The following NRCAM variants were observed in gnomAD, a reference collection of about 807,000 sequenced individuals.
The protein encoded by NRCAM is NgCAM-related cell adhesion molecule.
Under a neutral mutation model 156.5 loss-of-function variants are expected in NRCAM, and 83 were observed. The ratio of observed to expected loss-of-function variants is 0.53; its 90% CI spans 0.44 to 0.64. The LOEUF (loss-of-function observed/expected upper bound fraction) is 0.64. Among genes scored for constraint, NRCAM ranks in the 30% least tolerant of loss-of-function variants. The pLI, the probability that NRCAM is intolerant of heterozygous loss-of-function variation, is 0.00. For missense variants in NRCAM, 1,417 were observed against 1,597.3 expected (o/e 0.89, Z 1.92); for synonymous variants, 538 against 563.9 (o/e 0.95, Z 0.65).
At chr7:108,150,954 C>G (rs1251152490) in intron 32 of NRCAM, among the ~76,000 whole-genome samples, 1 of 152,096 alleles carries the variant, frequency 6.6e-6, no homozygotes, top group Non-Finnish European at 1.5e-5. Flanking sequence ...ATAGCAAATG[C>G]TTCCTACACT....
At chr7:108,381,567 T>C (rs2154358795) in intron 2 of NRCAM, among the ~76,000 whole-genome samples, 1 of 151,370 alleles carries the variant, frequency 6.6e-6, no homozygotes, top group Non-Finnish European at 1.5e-5. Flanking sequence ...TTTTCTTTTT[T>C]TTTTTTTTTG....
chr7:108,420,381 A>T (rs1558036), intron 1 of NRCAM, among the ~76,000 whole-genome samples: 123,073 of 152,100 alleles, frequency 0.81, 51,057 homozygotes, highest in East Asian at 0.95. Context: ...TTGCTAAAAA[A>T]AGTCTGTGTG....
chr7:108,429,191 T>TC (rs570821935), intron 1 of NRCAM, among the ~76,000 whole-genome samples: 168 of 152,316 alleles, frequency 1.1e-3, no homozygotes, highest in Non-Finnish European at 2.2e-3. Flanking sequence ...ACTGGGTGTT[T>TC]CTTTTTTTTT....
At chr7:108,300,160 C>CCTTTTTT (rs1180044415) in intron 3 of NRCAM, among the ~76,000 whole-genome samples, 1 of 65,858 alleles carries the variant, frequency 1.5e-5, no homozygotes, top group African/African-American at 5.7e-5. Context: ...TTTCTGTTGA[C>CCTTTTTT]TTTTTTTTTT....
At chr7:108,237,261 G>A (rs77946869) in intron 5 of NRCAM, among the ~76,000 whole-genome samples, 4 of 152,086 alleles carry the variant, frequency 2.6e-5, no homozygotes, top group African/African-American at 7.2e-5. Flanking sequence ...ATTCAAATTC[G>A]CTGGGTTAGT....
chr7:108,416,297 T>A (rs967374376), intron 1 of NRCAM, among the ~76,000 whole-genome samples: 1 of 152,200 alleles, frequency 6.6e-6, no homozygotes, highest in Non-Finnish European at 1.5e-5. Flanking sequence ...TATCATAGTG[T>A]CTATTTTAAT....
At chr7:108,152,677 A>G (rs1585004224) in intron 32 of NRCAM, among the ~76,000 whole-genome samples, 1 of 152,108 alleles carries the variant, frequency 6.6e-6, no homozygotes, top group African/African-American at 2.4e-5. Context: ...TTTATCACAT[A>G]ATGTCTATGG....
chr7:108,425,814 G>C (rs1455021942), intron 1 of NRCAM, among the ~76,000 whole-genome samples: 2 of 152,162 alleles, frequency 1.3e-5, no homozygotes, highest in Non-Finnish European at 2.9e-5. Context: ...GGTGCGTCCT[G>C]AACAGAAATG....
chr7:108,434,459 A>T (rs942699917), intron 1 of NRCAM, among the ~76,000 whole-genome samples: 3 of 151,940 alleles, frequency 2.0e-5, no homozygotes, highest in Admixed American at 2.0e-4. Flanking sequence ...CTTCACATAT[A>T]CTGAGTTGAC....
chr7:108,336,195 G>A (rs1054623750), intron 2 of NRCAM, among the ~76,000 whole-genome samples: 1 of 152,112 alleles, frequency 6.6e-6, no homozygotes, highest in Non-Finnish European at 1.5e-5. Context: ...ACTGAGGCAG[G>A]CAAATCCAGG....
intron 14 of NRCAM, among the ~76,000 whole-genome samples, chr7:108,197,563 A>G (rs912253296): frequency 6.6e-6 from 1 of 152,228 alleles, no homozygotes; most frequent in Non-Finnish European, 1.5e-5. Flanking sequence ...AAGGCCAAGC[A>G]TTATGATTCA....
chr7:108,167,446 G>A (rs2055252489), intron 29 of NRCAM, among the ~76,000 whole-genome samples: 1 of 140,276 alleles, frequency 7.1e-6, no homozygotes, highest in Non-Finnish European at 1.5e-5. Flanking sequence ...AGTGAACTAT[G>A]GGAAGAATTG....
At chr7:108,215,918 T>C (rs2153634347) in intron 11 of NRCAM, among the ~76,000 whole-genome samples, 1 of 152,298 alleles carries the variant, frequency 6.6e-6, no homozygotes, top group East Asian at 1.9e-4. Context: ...ACATTTAAGG[T>C]TAATATTGTT....
chr7:108,209,312 T>C, intron 12 of NRCAM, 109 bp downstream of exon 12: 1 of 734,934 alleles, frequency 1.4e-6, no homozygotes, highest in South Asian at 2.3e-5. Context: ...ACCATGAATG[T>C]TGACATAACT....
At chr7:108,335,979 C>T (rs2099184634) in intron 2 of NRCAM, among the ~76,000 whole-genome samples, 1 of 152,112 alleles carries the variant, frequency 6.6e-6, no homozygotes, top group Admixed American at 6.5e-5. Flanking sequence ...TCTGAAAATG[C>T]CTCTCTCCTA....
intron 1 of NRCAM, among the ~76,000 whole-genome samples, chr7:108,399,801 G>A (rs1365523765): frequency 6.6e-6 from 1 of 152,114 alleles, no homozygotes; most frequent in Non-Finnish European, 1.5e-5. Flanking sequence ...AACAGGTAAT[G>A]AAAATAGGTA....
At chr7:108,268,636 T>TGGGGGGGGGGA (rs1300340254) in intron 3 of NRCAM, among the ~76,000 whole-genome samples, 4 of 8,492 alleles carry the variant, frequency 4.7e-4, no homozygotes, top group Admixed American at 2.7e-3. Flanking sequence ...GGGGGGGGGT[T>TGGGGGGGGGGA]GGGGGGGGCG....
At chr7:108,332,962 T>A (rs986718349) in intron 2 of NRCAM, among the ~76,000 whole-genome samples, 1 of 152,142 alleles carries the variant, frequency 6.6e-6, no homozygotes, top group Non-Finnish European at 1.5e-5. Flanking sequence ...CATAAAAGGA[T>A]CAAATCTATG....
intron 20 of NRCAM, among the ~76,000 whole-genome samples, chr7:108,185,720 AAG>A (rs1362413209): frequency 6.0e-4 from 84 of 140,666 alleles, no homozygotes; most frequent in African/African-American, 1.9e-3. Flanking sequence ...TGTCTCAAAA[AAG>A]AGAGAGAGAG....
Sources: allele counts gnomAD v4.1 joint callset (sites outside exome capture counted in the v4.1 genomes callset), GRCh38; gene constraint gnomAD v4.1.1; transcripts MANE v1.5; gene names NCBI Gene and HGNC (gene_info 2026-07-23, HGNC 2026-07-21).